Variants in ASCC3 observed in about 807,000 individuals in gnomAD.
ASCC3 encodes the protein ASC-1 complex subunit P200.
In ASCC3, 158 loss-of-function variants were observed where a neutral mutation model predicts 256.3. That is an observed-to-expected ratio of 0.62 (90% CI 0.54 to 0.70). The LOEUF (loss-of-function observed/expected upper bound fraction) is 0.70, where lower values mean the gene tolerates loss of function less well. Among genes scored for constraint, ASCC3 ranks in the 30% least tolerant of loss-of-function variants. ASCC3 has a pLI of 0.00. For missense variants in ASCC3, 2,259 were observed against 2,626.0 expected (o/e 0.86, Z 3.05); for synonymous variants, 948 against 883.4 (o/e 1.07, Z -1.30).
intron 4 of ASCC3, among the ~76,000 whole-genome samples, chr6:100,808,889 T>C (rs1770319449): frequency 6.6e-6 from 1 of 151,964 alleles, no homozygotes; most frequent in Admixed American, 6.6e-5. Context: ...ACCATGCTAC[T>C]ATACTGAATA....
intron 13 of ASCC3, among the ~76,000 whole-genome samples, chr6:100,690,036 A>G (rs1284492217): frequency 6.6e-6 from 1 of 152,128 alleles, no homozygotes; most frequent in Admixed American, 6.6e-5. Context: ...AAATTAATCA[A>G]ATGTATTAAC....
chr6:100,550,391 TC>T (rs1404853739), intron 36 of ASCC3, among the ~76,000 whole-genome samples: 3 of 151,948 alleles, frequency 2.0e-5, no homozygotes, highest in African/African-American at 2.4e-5. Context: ...CACTATACAC[TC>T]CCATTTTCCC....
intron 22 of ASCC3, among the ~76,000 whole-genome samples, chr6:100,644,518 A>G (rs961939298): frequency 6.6e-6 from 1 of 152,124 alleles, no homozygotes; most frequent in Non-Finnish European, 1.5e-5. Context: ...CAATGCTTTC[A>G]TTCCTTTTTA....
intron 5 of ASCC3, among the ~76,000 whole-genome samples, chr6:100,803,905 T>C (rs1456323262): frequency 6.6e-6 from 1 of 152,108 alleles, no homozygotes; most frequent in Non-Finnish European, 1.5e-5. Context: ...TTTCTTACGC[T>C]CATATACTTT....
intron 10 of ASCC3, among the ~76,000 whole-genome samples, chr6:100,761,085 A>G (rs957172442): frequency 3.3e-5 from 5 of 152,234 alleles, no homozygotes; most frequent in African/African-American, 9.6e-5. Flanking sequence ...ATCTTTAAAG[A>G]AGCCCAAGAG....
Position 100,518,151 on chromosome 6 carries a change from G to A in ASCC3, c.5776-9C>T. On this transcript the variant is annotated splice_polypyrimidine_tract_variant and intron_variant, in intron 37 of 41. Transcript: ENST00000369162. ...GCCACGTCCAGCATTGCCTGAACAG[G>A]GAAAATGCACATGTTACAAGAATTA... 2 of 1,613,184 alleles carry A rather than the reference G, an allele frequency of 1.2e-6. No individual in the cohort carries two copies. The highest frequency in any genetic ancestry group is 1.1e-5 in the South Asian group (1 of 91,048).
chr6:100,682,372 GATAA>G (rs1168293771), intron 13 of ASCC3, among the ~76,000 whole-genome samples: 1 of 152,054 alleles, frequency 6.6e-6, no homozygotes, highest in Non-Finnish European at 1.5e-5. Context: ...TTTTTTACTT[GATAA>G]ATATTTACTA....
At chr6:100,560,691 A>C (rs1769885315) in intron 36 of ASCC3, among the ~76,000 whole-genome samples, 1 of 151,246 alleles carries the variant, frequency 6.6e-6, no homozygotes, top group African/African-American at 2.4e-5. Flanking sequence ...AATCAAGAGA[A>C]AGCAAACATG....
At chr6:100,795,347 G>A (rs532267679) in intron 8 of ASCC3, among the ~76,000 whole-genome samples, 3 of 151,854 alleles carry the variant, frequency 2.0e-5, no homozygotes, top group African/African-American at 7.2e-5. Flanking sequence ...AAAAGGGGGT[G>A]GGTAAGAGAA....
At chr6:100,602,884 G>T (rs141846359) in intron 33 of ASCC3, among the ~76,000 whole-genome samples, 1 of 152,156 alleles carries the variant, frequency 6.6e-6, no homozygotes, top group South Asian at 2.1e-4. Flanking sequence ...ATTAAAAATA[G>T]TTTTTGCAAA....
chr6:100,512,162 C>T (rs1230652588), intron 40 of ASCC3, among the ~76,000 whole-genome samples: 2 of 152,124 alleles, frequency 1.3e-5, no homozygotes, highest in Admixed American at 1.3e-4. Flanking sequence ...TAATGAAGGA[C>T]GCAGGCAAAT....
intron 10 of ASCC3, among the ~76,000 whole-genome samples, chr6:100,745,276 G>A (rs1169088038): frequency 1.3e-5 from 2 of 151,870 alleles, no homozygotes; most frequent in Non-Finnish European, 2.9e-5. Flanking sequence ...GCAGTGAGCC[G>A]AGATTGCACC....
intron 4 of ASCC3, among the ~76,000 whole-genome samples, chr6:100,847,114 A>G (rs192475672): frequency 2.0e-4 from 31 of 152,264 alleles, no homozygotes; most frequent in Admixed American, 1.8e-3. Flanking sequence ...CAAACTTACT[A>G]TAGATATTCA....
intron 36 of ASCC3, among the ~76,000 whole-genome samples, chr6:100,546,589 T>C (rs1027913488): frequency 6.6e-6 from 1 of 152,166 alleles, no homozygotes; most frequent in Non-Finnish European, 1.5e-5. Context: ...TGCAATCTAC[T>C]GTATGATAGA....
chr6:100,557,159 T>C (rs928169199), intron 36 of ASCC3, among the ~76,000 whole-genome samples: 2 of 152,156 alleles, frequency 1.3e-5, no homozygotes, highest in African/African-American at 4.8e-5. Flanking sequence ...ATTCTCTATT[T>C]CATTTATCTC....
intron 3 of ASCC3, among the ~76,000 whole-genome samples, chr6:100,860,997 A>G (rs1367639392): frequency 6.6e-6 from 1 of 152,112 alleles, no homozygotes; most frequent in African/African-American, 2.4e-5. Flanking sequence ...GTGACAGTGA[A>G]GAAGGTGGAT....
chr6:100,856,124 GCA>G (rs375973670), intron 3 of ASCC3, among the ~76,000 whole-genome samples: 2 of 152,114 alleles, frequency 1.3e-5, no homozygotes, highest in African/African-American at 4.8e-5. Flanking sequence ...CAAATCATTA[GCA>G]CAGACTTGAG....
Position 100,591,362 on chromosome 6 carries a change from C to G in ASCC3, c.5304-1303G>C, listed in dbSNP as rs143014698. 9.0e-3 allele frequency among the ~76,000 whole-genome samples: 1,364 copies of G among 152,114 alleles called. 12 individuals are homozygous for G. Among genetic ancestry groups the G allele is most frequent in the Admixed American group, 0.026 (390 of 15,272 alleles). On this transcript the variant is annotated intron_variant, in intron 34 of 41. Transcript: ENST00000369162. ...TATAAAAGATACAAATATCCAAAGTCATTCAAAATTTTTAAAATATTTTTT... is the reference window on the plus strand; with the variant it reads ...TATAAAAGATACAAATATCCAAAGTGATTCAAAATTTTTAAAATATTTTTT...
At chr6:100,814,589 T>C (rs1048460766) in intron 4 of ASCC3, among the ~76,000 whole-genome samples, 1 of 152,140 alleles carries the variant, frequency 6.6e-6, no homozygotes, top group African/African-American at 2.4e-5. Context: ...TTTTTAGTTG[T>C]ATGATATTTA....
Sources: gnomAD v4.1 joint callset for allele counts (sites outside exome capture counted in the v4.1 genomes callset) on GRCh38, gnomAD v4.1.1 for gene constraint, MANE v1.5 for transcripts, NCBI Gene and HGNC (gene_info 2026-07-23, HGNC 2026-07-21) for gene names.